PPM1L: variants seen among roughly 807,000 people sequenced by gnomAD.
PPM1L encodes the protein protein phosphatase 1L.
PPM1L carries 13 observed loss-of-function variants against 31.4 expected under a neutral mutation model. The ratio of observed to expected loss-of-function variants is 0.41; its 90% confidence interval spans 0.27 to 0.66. PPM1L has a LOEUF of 0.66. Among genes scored for constraint, PPM1L ranks in the 30% least tolerant of loss-of-function variants. PPM1L has a pLI of 0.29. For synonymous variants in PPM1L, 184 were observed against 175.4 expected (o/e 1.05, Z -0.39); for missense variants, 326 against 453.7 (o/e 0.72, Z 2.56).
chr3:161,002,102 C>G (rs1389902509), intron 2 of PPM1L, among the ~76,000 whole-genome samples: 1 of 150,544 alleles, frequency 6.6e-6, no homozygotes, highest in Non-Finnish European at 1.5e-5. Context: ...GTTTTGTGTT[C>G]TTGCGATAGT....
At chr3:161,055,120 G>A (rs1719375275) in intron 2 of PPM1L, among the ~76,000 whole-genome samples, 1 of 152,086 alleles carries the variant, frequency 6.6e-6, no homozygotes, top group African/African-American at 2.4e-5. Flanking sequence ...GGGGTACAAG[G>A]ACTCAGGCAA....
chr3:161,019,146 C>A (rs561628895), intron 2 of PPM1L, among the ~76,000 whole-genome samples: 1 of 152,010 alleles, frequency 6.6e-6, no homozygotes, highest in African/African-American at 2.4e-5. Flanking sequence ...CTCAAAATTG[C>A]AACCCAAATT....
At chr3:161,047,125 A>G (rs893346668) in intron 2 of PPM1L, among the ~76,000 whole-genome samples, 1 of 152,174 alleles carries the variant, frequency 6.6e-6, no homozygotes, top group Non-Finnish European at 1.5e-5. Flanking sequence ...AAGGGTATTC[A>G]GCTAAGAAAA....
At chr3:160,967,744 A>G (rs369797448) in intron 2 of PPM1L, among the ~76,000 whole-genome samples, 6 of 152,100 alleles carry the variant, frequency 3.9e-5, no homozygotes, top group African/African-American at 1.2e-4. Context: ...TTTGTGGTAT[A>G]GTTGAAAGAA....
At chr3:160,835,090 T>TTCTTCTTC (rs1553810715) in intron 1 of PPM1L, among the ~76,000 whole-genome samples, 3 of 144,736 alleles carry the variant, frequency 2.1e-5, no homozygotes, top group African/African-American at 8.2e-5. Flanking sequence ...TTCTTCTTTC[T>TTCTTCTTC]TTTTTCTTTC....
At chr3:160,834,976 G>A (rs1157061721) in intron 1 of PPM1L, among the ~76,000 whole-genome samples, 2 of 151,912 alleles carry the variant, frequency 1.3e-5, no homozygotes, top group Non-Finnish European at 2.9e-5. Flanking sequence ...CATAAGGTAA[G>A]TAGCGTTTAG....
At chr3:161,021,060 G>A (rs1718223184) in intron 2 of PPM1L, among the ~76,000 whole-genome samples, 1 of 151,382 alleles carries the variant, frequency 6.6e-6, no homozygotes, top group South Asian at 2.1e-4. Flanking sequence ...ATTTATTTAT[G>A]CTCTAATCTT....
intron 1 of PPM1L, among the ~76,000 whole-genome samples, chr3:160,858,871 A>G (rs1711805695): frequency 6.6e-6 from 1 of 151,968 alleles, no homozygotes; most frequent in Non-Finnish European, 1.5e-5. Flanking sequence ...CTCAGCTTCC[A>G]TTTCTCCCTG....
At chr3:160,914,750 A>G (rs1714100722) in intron 1 of PPM1L, among the ~76,000 whole-genome samples, 1 of 152,096 alleles carries the variant, frequency 6.6e-6, no homozygotes, top group South Asian at 2.1e-4. Context: ...CACTAAACAT[A>G]TGTGTGCATG....
At chr3:160,920,294 A>T (rs1371967211) in intron 1 of PPM1L, among the ~76,000 whole-genome samples, 2 of 152,102 alleles carry the variant, frequency 1.3e-5, no homozygotes, top group East Asian at 3.9e-4. Flanking sequence ...CAGGCCTCTA[A>T]GACTCTAGGG....
chr3:160,792,077 C>A (rs545234566), intron 1 of PPM1L, among the ~76,000 whole-genome samples: 20 of 152,116 alleles, frequency 1.3e-4, no homozygotes, highest in Admixed American at 9.2e-4. Context: ...AGCATGCACC[C>A]AGGTAATATT....
chr3:161,065,634 C>T (rs1276420735), intron 3 of PPM1L, 70 bp downstream of exon 3: 5 of 1,469,468 alleles, frequency 3.4e-6, no homozygotes, highest in Non-Finnish European at 3.8e-6. Flanking sequence ...GCTTGGAGAG[C>T]TCCTGGATAA....
At chr3:160,932,745 A>G (rs1714829363) in intron 1 of PPM1L, among the ~76,000 whole-genome samples, 1 of 152,168 alleles carries the variant, frequency 6.6e-6, no homozygotes, top group African/African-American at 2.4e-5. Flanking sequence ...GGCTGCCACT[A>G]ATACAGATAT....
intron 2 of PPM1L, among the ~76,000 whole-genome samples, chr3:161,057,937 C>T (rs1017125094): frequency 2.6e-5 from 4 of 151,594 alleles, no homozygotes; most frequent in South Asian, 2.1e-4. Context: ...TTTCTTATAC[C>T]TTACCTGAAA....
chr3:160,954,887 CCTTTCTTT>C (rs200878341), intron 1 of PPM1L, among the ~76,000 whole-genome samples: 32 of 143,614 alleles, frequency 2.2e-4, no homozygotes, highest in African/African-American at 8.5e-4. Context: ...TTTTGTTTTC[CCTTTCTTT>C]CTTCCTTCCT....
intron 2 of PPM1L, among the ~76,000 whole-genome samples, chr3:161,044,807 A>G (rs1719008628): frequency 6.6e-6 from 1 of 152,230 alleles, no homozygotes; most frequent in Admixed American, 6.5e-5. Flanking sequence ...AAATGCTCCA[A>G]TTAAAAGACA....
At chr3:160,807,763 A>G (rs1712646098) in intron 1 of PPM1L, among the ~76,000 whole-genome samples, 1 of 151,426 alleles carries the variant, frequency 6.6e-6, no homozygotes, top group Non-Finnish European at 1.5e-5. Context: ...GATTGCTTTT[A>G]TTTTGGAGAA....
At chr3:160,807,792 G>T (rs1221841325) in intron 1 of PPM1L, among the ~76,000 whole-genome samples, 1 of 149,322 alleles carries the variant, frequency 6.7e-6, no homozygotes, top group Non-Finnish European at 1.5e-5. Context: ...TGAGGTAAAA[G>T]AATTCCTGCT....
chr3:160,876,295 C>T (rs919941071), intron 1 of PPM1L, among the ~76,000 whole-genome samples: 2 of 152,064 alleles, frequency 1.3e-5, no homozygotes, highest in Admixed American at 1.3e-4. Flanking sequence ...ACTTGAAGAC[C>T]ATTCTGGCTT....
Sources: allele counts gnomAD v4.1 joint callset (sites outside exome capture counted in the v4.1 genomes callset), GRCh38; gene constraint gnomAD v4.1.1; transcripts MANE v1.5; gene names NCBI Gene and HGNC (gene_info 2026-07-23, HGNC 2026-07-21).